Variants in IL1RAPL2 observed in about 807,000 individuals in gnomAD.
IL1RAPL2 encodes the protein interleukin 1 receptor accessory protein like 2.
Under a neutral mutation model 44.1 loss-of-function variants are expected in IL1RAPL2, and 3 were observed. The observed-to-expected ratio is 0.07, with a 90% CI of 0.03 to 0.18. The LOEUF (loss-of-function observed/expected upper bound fraction) is 0.18, where lower values mean the gene tolerates loss of function less well. Among genes scored for constraint, IL1RAPL2 ranks in the 10% least tolerant of loss-of-function variants. The probability of loss-of-function intolerance (pLI) is 1.00; values close to 1 mark genes in which losing one functional copy is unlikely to be tolerated. For synonymous variants in IL1RAPL2, 181 were observed against 178.8 expected, an observed-to-expected ratio of 1.01 and a Z score of -0.10; for missense variants, 391 against 496.4, an observed-to-expected ratio of 0.79 and a Z score of 2.02.
intron 2 of IL1RAPL2, among the ~76,000 whole-genome samples, chrX:104,819,973 C>T (rs904040073): frequency 1.5e-4 from 17 of 110,792 alleles, no homozygotes; most frequent in Non-Finnish European, 2.1e-4. Context: ...TTCCCATAAA[C>T]GTGTGTTTTT....
chrX:105,281,541 G>A (rs1477711654), intron 5 of IL1RAPL2, among the ~76,000 whole-genome samples: 1 of 111,887 alleles, frequency 8.9e-6, no homozygotes, highest in African/African-American at 3.2e-5. Flanking sequence ...ATAAAACGGT[G>A]GTCCCATAAG....
intron 2 of IL1RAPL2, among the ~76,000 whole-genome samples, chrX:105,131,832 A>G (rs2033029665): frequency 1.8e-5 from 2 of 111,684 alleles, no homozygotes; most frequent in African/African-American, 6.5e-5. Flanking sequence ...AATTATTTCT[A>G]ATCTCCAGAG....
At chrX:105,041,448 C>A (rs765398698) in intron 2 of IL1RAPL2, among the ~76,000 whole-genome samples, 2 of 110,495 alleles carry the variant, frequency 1.8e-5, no homozygotes, top group South Asian at 7.8e-4. Flanking sequence ...GACTTTCTGT[C>A]TCATTGATCT....
At chrX:105,164,674 CATT>C (rs1489348529) in intron 2 of IL1RAPL2, among the ~76,000 whole-genome samples, 3 of 111,995 alleles carry the variant, frequency 2.7e-5, no homozygotes, top group South Asian at 3.7e-4. Flanking sequence ...TATGGATTGA[CATT>C]ATAGCATAGT....
In IL1RAPL2 at chrX:105,660,927, C is replaced by G. The variant is rs140044632; in HGVS notation, c.773-56440C>G. Among the ~76,000 whole-genome samples, 536 of 110,919 alleles carry G rather than the reference C, an allele frequency of 4.8e-3. 2 individuals carry two copies. Among genetic ancestry groups the G allele is most frequent in the Middle Eastern group, 0.029 (6 of 210 alleles). On this transcript the variant is annotated intron_variant, in intron 6 of 10. Coordinates refer to ENST00000372582, the MANE Select transcript of IL1RAPL2 (RefSeq NM_017416.2). Reference sequence around the variant, plus strand: ...ACAAAATGGCAGGAGTAAATCCTTACTTATCAATAATAACATTGAATGTAA... The same window carrying G: ...ACAAAATGGCAGGAGTAAATCCTTAGTTATCAATAATAACATTGAATGTAA...
At chrX:105,212,725 G>A (rs1056659269) in intron 3 of IL1RAPL2, among the ~76,000 whole-genome samples, 5 of 112,036 alleles carry the variant, frequency 4.5e-5, no homozygotes, top group Admixed American at 9.4e-5. Flanking sequence ...TCATACAGGA[G>A]AGCTCCAGCT....
intron 2 of IL1RAPL2, among the ~76,000 whole-genome samples, chrX:104,821,294 A>G (rs2891871): frequency 0.43 from 46,929 of 109,152 alleles, 7,448 homozygotes; most frequent in East Asian, 0.46. Flanking sequence ...TGCGCAGAAC[A>G]TGCAGGTTTG....
In IL1RAPL2 at chrX:105,234,011, C is replaced by G. The variant is rs782354253; in HGVS notation, c.543+7C>G. ...TGATGTTGTGTGGTATAAGGTAACTCAGCATGGTGTCAAATTCATATTTTA... is the reference window on the plus strand; with the variant it reads ...TGATGTTGTGTGGTATAAGGTAACTGAGCATGGTGTCAAATTCATATTTTA... On this transcript the variant is annotated splice_region_variant and intron_variant, in intron 4 of 10. Coordinates refer to ENST00000372582, the MANE Select transcript of IL1RAPL2 (RefSeq NM_017416.2). 8.4e-7 allele frequency: 1 copy of G among 1,183,717 alleles called. No homozygotes were observed. Among genetic ancestry groups the G allele is most frequent in the South Asian group, 1.9e-5 (1 of 52,795 alleles).
chrX:104,902,445 G>GA (rs1031160407), intron 2 of IL1RAPL2, among the ~76,000 whole-genome samples: 6 of 111,546 alleles, frequency 5.4e-5, no homozygotes, highest in African/African-American at 9.8e-5. Flanking sequence ...TCAAGAGTAA[G>GA]AAAAAAAATT....
At chrX:105,343,424 A>T in intron 5 of IL1RAPL2, among the ~76,000 whole-genome samples, 1 of 111,974 alleles carries the variant, frequency 8.9e-6, no homozygotes, top group Non-Finnish European at 1.9e-5. Flanking sequence ...CATAGTTGTA[A>T]TCATACTGTC....
At chrX:105,126,805 G>T (rs773618266) in intron 2 of IL1RAPL2, among the ~76,000 whole-genome samples, 1 of 110,828 alleles carries the variant, frequency 9.0e-6, no homozygotes, top group African/African-American at 3.3e-5. Context: ...ATTATTTTCT[G>T]TGAATACCGA....
chrX:104,776,486 A>G (rs1932721922), intron 2 of IL1RAPL2, among the ~76,000 whole-genome samples: 1 of 112,012 alleles, frequency 8.9e-6, no homozygotes, highest in African/African-American at 3.2e-5. Flanking sequence ...TGTCTAAAAA[A>G]GAGGATAATT....
intron 2 of IL1RAPL2, among the ~76,000 whole-genome samples, chrX:105,010,369 G>A (rs1224680387): frequency 9.0e-6 from 1 of 111,221 alleles, no homozygotes; most frequent in Non-Finnish European, 1.9e-5. Flanking sequence ...GGTAACAGAC[G>A]ATAATTTTTT....
chrX:104,880,076 T>G (rs1179182993), intron 2 of IL1RAPL2, among the ~76,000 whole-genome samples: 2 of 48,015 alleles, frequency 4.2e-5, no homozygotes, highest in African/African-American at 1.2e-4. Flanking sequence ...TGTTTTGCAA[T>G]TTTTTTTTAT....
intron 2 of IL1RAPL2, among the ~76,000 whole-genome samples, chrX:104,700,627 T>G (rs1009062851): frequency 1.8e-5 from 2 of 112,000 alleles, no homozygotes; most frequent in African/African-American, 6.5e-5. Context: ...TCTTCAGAGT[T>G]TCTGGCCACT....
At chrX:104,817,310 G>A (rs1921163028) in intron 2 of IL1RAPL2, among the ~76,000 whole-genome samples, 1 of 112,394 alleles carries the variant, frequency 8.9e-6, no homozygotes, top group Non-Finnish European at 1.9e-5. Flanking sequence ...GAAAGTTAAA[G>A]TAATATTTTT....
chrX:105,279,013 T>A (rs1223342631), intron 5 of IL1RAPL2, among the ~76,000 whole-genome samples: 1 of 111,630 alleles, frequency 9.0e-6, no homozygotes, highest in Non-Finnish European at 1.9e-5. Flanking sequence ...ATTCCCTCAA[T>A]AATTTTGCAA....
intron 1 of IL1RAPL2, among the ~76,000 whole-genome samples, chrX:104,633,123 G>T (rs949197744): frequency 1.1e-4 from 12 of 111,768 alleles, no homozygotes; most frequent in African/African-American, 3.9e-4. Context: ...CTTTGGTTCT[G>T]TTTATATGCT....
intron 7 of IL1RAPL2, among the ~76,000 whole-genome samples, chrX:105,737,985 G>A (rs769309162): frequency 9.0e-6 from 1 of 111,503 alleles, no homozygotes; most frequent in Non-Finnish European, 1.9e-5. Context: ...TCTTATACTT[G>A]TCTGGTTCTG....
Sources: gnomAD v4.1 joint callset for allele counts (sites outside exome capture counted in the v4.1 genomes callset) on GRCh38, gnomAD v4.1.1 for gene constraint, MANE v1.5 for transcripts, NCBI Gene and HGNC (gene_info 2026-07-23, HGNC 2026-07-21) for gene names.